The following EFNA5 variants were observed in gnomAD, a reference collection of about 807,000 sequenced individuals.
The protein encoded by EFNA5 is ephrin A5.
EFNA5 carries 5 observed loss-of-function variants against 22.9 expected under a neutral mutation model. The ratio of observed to expected loss-of-function variants is 0.22; its 90% CI spans 0.11 to 0.46. The LOEUF (loss-of-function observed/expected upper bound fraction) is 0.46, where lower values mean the gene tolerates loss of function less well. Ranked by LOEUF, EFNA5 falls within the 20% of genes least tolerant of loss-of-function variation. The pLI is 0.99. For missense variants in EFNA5, 237 were observed against 293.3 expected, an observed-to-expected ratio of 0.81 and a Z score of 1.40; for synonymous variants, 113 against 112.2, an observed-to-expected ratio of 1.01 and a Z score of -0.04.
intron 1 of EFNA5, among the ~76,000 whole-genome samples, chr5:107,466,166 G>C (rs1749975355): frequency 6.6e-6 from 1 of 152,136 alleles, no homozygotes; most frequent in Non-Finnish European, 1.5e-5. Flanking sequence ...GCAGCCCTTT[G>C]CTAAAAGAGT....
intron 1 of EFNA5, among the ~76,000 whole-genome samples, chr5:107,621,978 T>C (rs1239456366): frequency 6.6e-6 from 1 of 152,114 alleles, no homozygotes; most frequent in Non-Finnish European, 1.5e-5. Flanking sequence ...TTGATCATTT[T>C]CAGAACTGTA....
At chr5:107,440,452 T>A (rs1406210306) in intron 1 of EFNA5, among the ~76,000 whole-genome samples, 1 of 152,216 alleles carries the variant, frequency 6.6e-6, no homozygotes, top group Non-Finnish European at 1.5e-5. Flanking sequence ...ACTTTCAGAA[T>A]TTTTGGTATT....
At chr5:107,423,930 AT>A (rs1483621507) in intron 2 of EFNA5, among the ~76,000 whole-genome samples, 1 of 152,148 alleles carries the variant, frequency 6.6e-6, no homozygotes, top group Non-Finnish European at 1.5e-5. Flanking sequence ...CAACTACCAC[AT>A]TTTCTTAATT....
intron 1 of EFNA5, among the ~76,000 whole-genome samples, chr5:107,576,841 A>G (rs1045508040): frequency 6.6e-6 from 1 of 152,206 alleles, no homozygotes; most frequent in Non-Finnish European, 1.5e-5. Context: ...GAAGTTGTAC[A>G]ATACTAAGGT....
At chr5:107,598,232 A>T (rs1275567310) in intron 1 of EFNA5, among the ~76,000 whole-genome samples, 2 of 152,120 alleles carry the variant, frequency 1.3e-5, no homozygotes, top group African/African-American at 4.8e-5. Flanking sequence ...GTTATTATTC[A>T]CATTTTACAG....
intron 1 of EFNA5, among the ~76,000 whole-genome samples, chr5:107,567,692 T>G (rs1321352865): frequency 6.6e-6 from 1 of 152,128 alleles, no homozygotes; most frequent in Non-Finnish European, 1.5e-5. Context: ...GCAGGACCAT[T>G]AACTTTATAA....
chr5:107,576,287 C>T (rs747576779), intron 1 of EFNA5, among the ~76,000 whole-genome samples: 15 of 152,168 alleles, frequency 9.9e-5, no homozygotes, highest in South Asian at 6.2e-4. Flanking sequence ...GGGACCATCA[C>T]GGCAATCACA....
At chr5:107,400,910 G>T (rs1160161205) in intron 2 of EFNA5, among the ~76,000 whole-genome samples, 1 of 152,150 alleles carries the variant, frequency 6.6e-6, no homozygotes, top group African/African-American at 2.4e-5. Context: ...CTTATTGAGA[G>T]ATTTGTTTAC....
intron 1 of EFNA5, among the ~76,000 whole-genome samples, chr5:107,535,890 G>A (rs1004532140): frequency 1.3e-5 from 2 of 152,144 alleles, no homozygotes; most frequent in Admixed American, 1.3e-4. Flanking sequence ...TAAATAGCCA[G>A]AATTCCTCAC....
intron 1 of EFNA5, among the ~76,000 whole-genome samples, chr5:107,466,356 G>A (rs1332798683): frequency 2.6e-5 from 4 of 152,074 alleles, no homozygotes; most frequent in East Asian, 1.9e-4. Flanking sequence ...AGTCAGCTAG[G>A]CTTGGAGAAA....
intron 1 of EFNA5, among the ~76,000 whole-genome samples, chr5:107,550,348 T>C (rs772033705): frequency 6.6e-6 from 1 of 152,232 alleles, no homozygotes; most frequent in Non-Finnish European, 1.5e-5. Flanking sequence ...ATTGATATAA[T>C]CAATAAGTGT....
intron 1 of EFNA5, among the ~76,000 whole-genome samples, chr5:107,503,733 C>A (rs1349456129): frequency 6.6e-6 from 1 of 152,146 alleles, no homozygotes; most frequent in Non-Finnish European, 1.5e-5. Context: ...AAGCTATCAG[C>A]AGTCACTTTA....
At chr5:107,493,235 C>T (rs1259950689) in intron 1 of EFNA5, among the ~76,000 whole-genome samples, 3 of 150,544 alleles carry the variant, frequency 2.0e-5, no homozygotes, top group Non-Finnish European at 3.0e-5. Flanking sequence ...TCTTTTACAA[C>T]CAAATATTTT....
chr5:107,438,188 C>T (rs747180361), intron 1 of EFNA5, among the ~76,000 whole-genome samples: 7 of 152,144 alleles, frequency 4.6e-5, no homozygotes, highest in Non-Finnish European at 8.8e-5. Flanking sequence ...ACAAATCAGG[C>T]GGAGAAGCTT....
At chr5:107,615,143 C>G (rs965258088) in intron 1 of EFNA5, among the ~76,000 whole-genome samples, 1 of 151,928 alleles carries the variant, frequency 6.6e-6, no homozygotes, top group Non-Finnish European at 1.5e-5. Context: ...TTCTCTTCCA[C>G]CTTTAAAAAA....
At chr5:107,571,822 C>T (rs1425538300) in intron 1 of EFNA5, among the ~76,000 whole-genome samples, 1 of 151,988 alleles carries the variant, frequency 6.6e-6, no homozygotes, top group East Asian at 1.9e-4. Context: ...TCCTTTATGG[C>T]GAGGTCATGT....
In EFNA5 at chr5:107,377,908, G is replaced by A. The variant is rs1468539534; in HGVS notation, c.*3347C>T. ...TTGAAAACACCGAGGACAAAATATC[G>A]ATCAAAAAAGTCATGTTGTTCCAGG... On this transcript the variant is annotated 3_prime_UTR_variant, in exon 5 of 5. Coordinates refer to ENST00000333274, the MANE Select transcript of EFNA5 (RefSeq NM_001962.3). 2 of 152,032 alleles carry A rather than the reference G, an allele frequency of 1.3e-5. No individual in the cohort carries two copies. Among genetic ancestry groups the A allele is most frequent in the Admixed American group, 1.3e-4 (2 of 15,266 alleles). The allele number at this position is 152,032 out of a possible 1,614,324, so 9.4% of individuals were successfully genotyped here.
intron 1 of EFNA5, among the ~76,000 whole-genome samples, chr5:107,638,875 C>T (rs779757081): frequency 9.9e-5 from 15 of 152,190 alleles, no homozygotes; most frequent in Non-Finnish European, 2.1e-4. Context: ...TGAACTAATG[C>T]ATATGTTAAA....
intron 1 of EFNA5, chr5:107,506,191 C>G (rs1025488510): frequency 6.6e-6 from 1 of 152,242 alleles, no homozygotes; most frequent in Non-Finnish European, 1.5e-5. Flanking sequence ...ACTCCCTTCT[C>G]TGGTCCATCA....
Sources: gnomAD v4.1 joint callset for allele counts (sites outside exome capture counted in the v4.1 genomes callset) on GRCh38, gnomAD v4.1.1 for gene constraint, MANE v1.5 for transcripts, NCBI Gene and HGNC (gene_info 2026-07-23, HGNC 2026-07-21) for gene names.